PCDH15: variants seen among roughly 807,000 people sequenced by gnomAD.
PCDH15 encodes protocadherin-15.
PCDH15 carries 129 observed loss-of-function variants against 178.5 expected under a neutral mutation model. That is an observed-to-expected ratio of 0.72 (90% confidence interval 0.63 to 0.84). The LOEUF is 0.84. Ranked by LOEUF, PCDH15 falls within the 40% of genes least tolerant of loss-of-function variation. The pLI, the probability that PCDH15 is intolerant of heterozygous loss-of-function variation, is 0.00. For missense variants in PCDH15, 2,230 were observed against 2,099.9 expected, an observed-to-expected ratio of 1.06 and a Z score of -1.21; for synonymous variants, 800 against 732.0, an observed-to-expected ratio of 1.09 and a Z score of -1.50.
rs149271437 is a variant in PCDH15, at chr10:55,308,560, T to C, written c.-156+11039A>G. Among the ~76,000 whole-genome samples the C allele has an allele frequency of 7.7e-4, 118 of 152,282 alleles. 1 individual carries two copies. The highest frequency in any genetic ancestry group is 2.3e-3 in the South Asian group (11 of 4,828). ...ATTTTCTAATACAGAGATCAGAGCATTGAACTCTGAAAGCAAAGAAAATAA... is the reference window on the plus strand; with the variant it reads ...ATTTTCTAATACAGAGATCAGAGCACTGAACTCTGAAAGCAAAGAAAATAA... On this transcript the variant is annotated intron_variant, in intron 1 of 5. Coordinates refer to the PCDH15 transcript ENST00000458638.
intron 2 of PCDH15, among the ~76,000 whole-genome samples, chr10:55,538,103 G>A (rs1369746029): frequency 3.3e-5 from 5 of 152,104 alleles, no homozygotes; most frequent in Non-Finnish European, 7.4e-5. Flanking sequence ...CTAAAGAGCT[G>A]CACAGTTCAA....
At chr10:54,692,044 C>A (rs2095131278) in intron 1 of PCDH15, among the ~76,000 whole-genome samples, 1 of 152,010 alleles carries the variant, frequency 6.6e-6, no homozygotes, top group Admixed American at 6.6e-5. Context: ...TAAAATTTAT[C>A]TTCAATAATT....
chr10:54,115,237 G>C (rs2095093289), intron 15 of PCDH15, among the ~76,000 whole-genome samples: 3 of 152,140 alleles, frequency 2.0e-5, no homozygotes, highest in East Asian at 1.9e-4. Flanking sequence ...TCACTTAAAG[G>C]GTTTTGGCCC....
chr10:54,261,142 A>G (rs1279947767), intron 8 of PCDH15, among the ~76,000 whole-genome samples: 1 of 152,248 alleles, frequency 6.6e-6, no homozygotes, highest in African/African-American at 2.4e-5. Context: ...GGATAAAGAC[A>G]TAAAAATGAA....
At chr10:55,338,131 T>C (rs368720785) in intron 2 of PCDH15, among the ~76,000 whole-genome samples, 12 of 152,138 alleles carry the variant, frequency 7.9e-5, no homozygotes, top group African/African-American at 2.9e-4. Flanking sequence ...TTAAAATGGT[T>C]TTATCCCAAC....
In PCDH15 at chr10:54,237,767, T is replaced by C. The variant is rs149372876; in HGVS notation, c.877-836A>G. Reference sequence around the variant, plus strand: ...TACTGACTACTGTGATCATAATAGATATGCTAAAAATACAACAATAGGTAT... The same window carrying C: ...TACTGACTACTGTGATCATAATAGACATGCTAAAAATACAACAATAGGTAT... On this transcript the variant is annotated intron_variant, in intron 8 of 37. Transcript: ENST00000644397. 5.3e-5 allele frequency among the ~76,000 whole-genome samples: 8 copies of C among 152,268 alleles called. No homozygotes were observed. The East Asian group carries it at 1.5e-3, about 29-fold the overall frequency.
At chr10:54,037,801 T>TTGA (rs1329912257) in intron 18 of PCDH15, among the ~76,000 whole-genome samples, 3 of 152,022 alleles carry the variant, frequency 2.0e-5, no homozygotes, top group African/African-American at 7.2e-5. Flanking sequence ...AAAGAAGTTA[T>TTGA]TGACTTATTT....
intron 20 of PCDH15, among the ~76,000 whole-genome samples, chr10:54,004,377 C>G (rs372151543): frequency 1.3e-5 from 2 of 149,094 alleles, no homozygotes; most frequent in South Asian, 4.3e-4. Context: ...AAATCTAACA[C>G]TTGGAAAAAC....
At chr10:53,810,738 C>T (rs1206344031) in intron 36 of PCDH15, 74 bp from the exon 37 acceptor site, 1 of 1,328,274 alleles carries the variant, frequency 7.5e-7, no homozygotes, top group South Asian at 1.2e-5. Context: ...TGATCTGTTT[C>T]CTTCTTTTTC....
At chr10:53,809,391 A>T (rs1329782559) in intron 37 of PCDH15, 27 of 1,613,722 alleles carry the variant, frequency 1.7e-5, no homozygotes, top group Non-Finnish European at 2.3e-5. Context: ...CTAATCCTCT[A>T]ACTTTCTTAA....
intron 3 of PCDH15, among the ~76,000 whole-genome samples, chr10:54,436,477 T>C (rs1344114270): frequency 6.6e-6 from 1 of 152,098 alleles, no homozygotes; most frequent in East Asian, 1.9e-4. Context: ...AGTATAGTTC[T>C]CTGAAATATT....
At chr10:55,314,671 A>G (rs1038143249) in intron 1 of PCDH15, among the ~76,000 whole-genome samples, 7 of 152,154 alleles carry the variant, frequency 4.6e-5, no homozygotes, top group African/African-American at 1.7e-4. Flanking sequence ...TATATTTCTT[A>G]AAATCCAAAA....
chr10:55,599,471 C>G (rs143652762), intron 2 of PCDH15: 1 of 152,422 alleles, frequency 6.6e-6, no homozygotes, highest in Non-Finnish European at 1.5e-5. Context: ...ATTAAGAAAG[C>G]GTTTAAGCTC....
chr10:54,999,620 T>C (rs4317895), intron 2 of PCDH15, among the ~76,000 whole-genome samples: 111,417 of 152,026 alleles, frequency 0.73, 40,968 homozygotes, highest in East Asian at 0.87. Flanking sequence ...GCTTCAGAGA[T>C]GGTGGGAGCC....
intron 2 of PCDH15, among the ~76,000 whole-genome samples, chr10:55,554,330 GTTT>G (rs1046630261): frequency 6.6e-6 from 1 of 151,976 alleles, no homozygotes; most frequent in Non-Finnish European, 1.5e-5. Flanking sequence ...GTCTAGAAAG[GTTT>G]TTTAAATTTA....
intron 3 of PCDH15, among the ~76,000 whole-genome samples, chr10:54,510,003 T>C (rs2137707822): frequency 6.6e-6 from 1 of 152,284 alleles, no homozygotes; most frequent in South Asian, 2.1e-4. Context: ...TCCAAAACTC[T>C]TGGAGAAGTC....
intron 18 of PCDH15, among the ~76,000 whole-genome samples, chr10:54,053,368 T>C (rs754265477): frequency 6.6e-6 from 1 of 152,210 alleles, no homozygotes; most frequent in Non-Finnish European, 1.5e-5. Flanking sequence ...TGTACATACA[T>C]TATGCAAGGG....
intron 4 of PCDH15, among the ~76,000 whole-genome samples, chr10:54,375,955 T>G (rs1589107908): frequency 8.5e-6 from 1 of 118,132 alleles, no homozygotes; most frequent in African/African-American, 2.7e-5. Flanking sequence ...AGTGCAGTGG[T>G]GTGATCTTGG....
At chr10:53,995,574 G>A in intron 21 of PCDH15, 75 bp downstream of exon 21, 1 of 1,612,218 alleles carries the variant, frequency 6.2e-7, no homozygotes, top group Non-Finnish European at 8.5e-7. Context: ...TTGCTGTCTT[G>A]TGATTCGGTC....
Sources: allele counts gnomAD v4.1 joint callset (sites outside exome capture counted in the v4.1 genomes callset), GRCh38; gene constraint gnomAD v4.1.1; transcripts MANE v1.5; gene names NCBI Gene and HGNC (gene_info 2026-07-23, HGNC 2026-07-21).